The following PIK3C2G variants were observed in gnomAD, a reference collection of about 807,000 sequenced individuals.
PIK3C2G encodes the protein phosphatidylinositol-4-phosphate 3-kinase catalytic subunit type 2 gamma, also known as phosphatidylinositol 3-kinase C2 domain-containing subunit gamma.
A neutral mutation model predicts 181.1 loss-of-function variants in PIK3C2G; 168 were observed. The observed-to-expected ratio is 0.93, with a 90% CI of 0.82 to 1.05. The LOEUF is 1.05. PIK3C2G is among the 50% of genes least tolerant of loss of function. PIK3C2G has a pLI of 0.00. For missense variants in PIK3C2G, 1,869 were observed against 1,732.8 expected (o/e 1.08, Z -1.40); for synonymous variants, 573 against 592.2 (o/e 0.97, Z 0.47).
the PIK3C2G span, among the ~76,000 whole-genome samples, chr12:18,689,421 T>C: frequency 6.6e-6 from 1 of 152,224 alleles, no homozygotes; most frequent in African/African-American, 2.4e-5. Flanking sequence ...TAAACTTTCT[T>C]AAAACATTAT....
chr12:18,442,761 CT>C (rs1282668674), intron 18 of PIK3C2G, among the ~76,000 whole-genome samples: 1 of 151,920 alleles, frequency 6.6e-6, no homozygotes, highest in Non-Finnish European at 1.5e-5. Context: ...AAGAGTATAC[CT>C]TTTAAAATGA....
chr12:18,338,287 G>T, intron 8 of PIK3C2G, 139 bp from the exon 9 acceptor site: 1 of 655,690 alleles, frequency 1.5e-6, no homozygotes, highest in Non-Finnish European at 2.6e-6. Context: ...AGAGTCTTGA[G>T]AACTTTCTTT....
At chr12:18,422,816 C>T (rs1945564560) in intron 17 of PIK3C2G, among the ~76,000 whole-genome samples, 1 of 152,052 alleles carries the variant, frequency 6.6e-6, no homozygotes, top group African/African-American at 2.4e-5. Flanking sequence ...ATAATATGCT[C>T]ACTATTAGGG....
chr12:18,514,251 C>T (rs1256221201), intron 24 of PIK3C2G, among the ~76,000 whole-genome samples: 3 of 151,760 alleles, frequency 2.0e-5, no homozygotes, highest in African/African-American at 7.2e-5. Context: ...TGACCTTACA[C>T]GATCTATCCT....
chr12:18,321,006 AT>A lies in PIK3C2G; in HGVS notation c.1185del (p.Phe395LeufsTer13). 1 of 1,560,430 alleles carries A rather than the reference AT, an allele frequency of 6.4e-7. No homozygotes were observed. Among genetic ancestry groups the A allele is most frequent in the Non-Finnish European group, 8.8e-7 (1 of 1,135,882 alleles). ...AGTTTTATCTGAATCAACTTCTAGA[AT>A]TTATGCATATTTGGAAAGTATCCAG... ...SQFYLNQLLE[F>X]MHIWKVSRQC... On this transcript the variant is annotated frameshift_variant, in exon 7 of 33. Coordinates refer to ENST00000538779, the MANE Select transcript of PIK3C2G (RefSeq NM_001288772.2). LOFTEE classifies it high-confidence loss of function.
chr12:18,566,293 T>C (rs775973598), intron 28 of PIK3C2G, among the ~76,000 whole-genome samples: 4 of 152,124 alleles, frequency 2.6e-5, no homozygotes, highest in Non-Finnish European at 4.4e-5. Context: ...AGCAGTATGA[T>C]TGGAGTCAGA....
the PIK3C2G span, among the ~76,000 whole-genome samples, chr12:18,708,635 G>A: frequency 3.9e-4 from 60 of 152,210 alleles, no homozygotes; most frequent in Middle Eastern, 6.8e-3. Context: ...TCAGTGTACA[G>A]GGTTCCCTTT....
intron 1 of PIK3C2G, among the ~76,000 whole-genome samples, chr12:18,269,823 C>T (rs971217327): frequency 2.0e-5 from 3 of 151,408 alleles, no homozygotes; most frequent in African/African-American, 4.9e-5. Context: ...TAATGGATTA[C>T]AGGATACATC....
chr12:18,360,456 C>T (rs113591595), intron 11 of PIK3C2G, among the ~76,000 whole-genome samples: 3,373 of 152,112 alleles, frequency 0.022, 57 homozygotes, highest in Middle Eastern at 0.041. Context: ...TTACCTTTAC[C>T]GGTGAGTTTT....
chr12:18,498,054 T>G (rs1321083605), intron 22 of PIK3C2G, among the ~76,000 whole-genome samples: 1 of 152,218 alleles, frequency 6.6e-6, no homozygotes, highest in African/African-American at 2.4e-5. Context: ...TTTCTCATTT[T>G]CTTATATAAA....
At chr12:18,277,697 C>A (rs141472009) in intron 1 of PIK3C2G, among the ~76,000 whole-genome samples, 152 of 151,960 alleles carry the variant, frequency 1.0e-3, no homozygotes, top group Non-Finnish European at 1.6e-3. Flanking sequence ...TTTTGTTGTT[C>A]TTTTGTAAAA....
chr12:18,693,244 T>C, the PIK3C2G span: 65 of 1,551,118 alleles, frequency 4.2e-5, no homozygotes, highest in Middle Eastern at 1.7e-4. Context: ...AACCACAAGG[T>C]GCATACCATG....
rs1416270699 is a variant in PIK3C2G, at chr12:18,546,397, A to G, written c.3555A>G (p.Gln1185=). ...LKYVYNNLRP[Q]DTDLEATSHF... is the part of the protein sequence containing the mutation. ...ATGTGTATAATAATCTTCGTCCACA[A>G]GACACAGACCTGGAAGCAACAAGTC... The change falls in exon 26 of 33, where the codon CAA becomes CAG. Residue 1185 remains glutamine, a synonymous_variant. Transcript: ENST00000538779. The G allele has an allele frequency of 4.4e-6, 7 of 1,599,818 alleles. No individual in the cohort carries two copies. Among genetic ancestry groups the G allele is most frequent in the Non-Finnish European group, 6.0e-6 (7 of 1,171,954 alleles).
chr12:18,433,674 CTT>C (rs1946290650), intron 18 of PIK3C2G, among the ~76,000 whole-genome samples: 1 of 152,182 alleles, frequency 6.6e-6, no homozygotes, highest in Non-Finnish European at 1.5e-5. Context: ...AAAACCAAGA[CTT>C]TCTCAGTTTT....
chr12:18,349,792 A>T (rs151023455), intron 11 of PIK3C2G, among the ~76,000 whole-genome samples: 15 of 152,262 alleles, frequency 9.9e-5, no homozygotes, highest in African/African-American at 3.6e-4. Context: ...TCCTTTTACA[A>T]TGTCCGTGTG....
Position 18,343,237 on chromosome 12 carries a change from A to G in PIK3C2G, c.1396-90A>G. 4.2e-6 allele frequency: 3 copies of G among 706,538 alleles called. No homozygotes were observed. In the South Asian group the frequency reaches 5.1e-5, roughly 12 times the overall value. The allele number at this position is 706,538 out of a possible 1,614,324, so 43.8% of individuals were successfully genotyped here. A position where few individuals can be genotyped will look rare whatever the true frequency, so the allele number is the denominator to read the frequency against. ...TTTGTTGTTTTACCATGACAAAGAA[A>G]TTATAATGTTTAGATTTTGGACATT... is the stretch of plus-strand genomic sequence containing the variant. On this transcript the variant is annotated intron_variant, in intron 9 of 32. Coordinates refer to ENST00000538779, the MANE Select transcript of PIK3C2G (RefSeq NM_001288772.2).
Position 18,292,227 on chromosome 12 carries a change from A to AAATAT in PIK3C2G, c.919+1216_919+1217insATATA. Among the ~76,000 whole-genome samples the AAATAT allele has an allele frequency of 2.4e-3, 115 of 48,684 alleles. 3 individuals are homozygous for AAATAT. The highest frequency in any genetic ancestry group is 0.019 in the Admixed American group (56 of 2,902). 31.9% of individuals were successfully genotyped at this position (48,684 alleles called of 152,430 possible). A position where few individuals can be genotyped will look rare whatever the true frequency, so the allele number is the denominator to read the frequency against. On this transcript the variant is annotated intron_variant, in intron 4 of 32. Transcript: ENST00000538779. ...CTCCATCTCAAAAAAAAAAAAAAAA[A>AAATAT]ATATATATATATATATATATATATA...
chr12:18,645,176 T>G (rs1270454042), intron 32 of PIK3C2G, among the ~76,000 whole-genome samples: 1 of 152,048 alleles, frequency 6.6e-6, no homozygotes, highest in African/African-American at 2.4e-5. Flanking sequence ...TTTTTTTTTG[T>G]TCTGAGTATG....
At chr12:18,290,337 T>C (rs1026791161) in intron 3 of PIK3C2G, among the ~76,000 whole-genome samples, 8 of 152,314 alleles carry the variant, frequency 5.3e-5, no homozygotes, top group Admixed American at 3.3e-4. Flanking sequence ...CCAATATTTG[T>C]GTAAAATTCA....
Sources: gnomAD v4.1 joint callset for allele counts (sites outside exome capture counted in the v4.1 genomes callset) on GRCh38, gnomAD v4.1.1 for gene constraint, MANE v1.5 for transcripts, NCBI Gene and HGNC (gene_info 2026-07-23, HGNC 2026-07-21) for gene names.